The following CHD7 variants were observed in gnomAD, a reference collection of about 807,000 sequenced individuals.
CHD7 encodes ATP-dependent chromatin remodeler CHD7.
A neutral mutation model predicts 307.3 loss-of-function variants in CHD7; 24 were observed. The observed-to-expected ratio is 0.08, with a 90% CI of 0.06 to 0.11. The LOEUF (loss-of-function observed/expected upper bound fraction) is 0.11, where lower values mean the gene tolerates loss of function less well. CHD7 is among the 10% of genes least tolerant of loss of function. CHD7 has a pLI of 1.00. For synonymous variants in CHD7, 1,363 were observed against 1,349.9 expected, an observed-to-expected ratio of 1.01 and a Z score of -0.21; for missense variants, 3,106 against 3,727.1, an observed-to-expected ratio of 0.83 and a Z score of 4.34.
chr8:60,689,569 A>G (rs2150485681), intron 1 of CHD7, among the ~76,000 whole-genome samples: 1 of 152,372 alleles, frequency 6.6e-6, no homozygotes, highest in South Asian at 2.1e-4. Flanking sequence ...ATTGCTTTGG[A>G]TAGTCCCATC....
In CHD7 at chr8:60,742,686, T is replaced by C. The variant is rs935693858; in HGVS notation, c.1254T>C (p.Ala418=). The change falls in exon 2 of 38, where the codon GCT becomes GCC. Residue 418 remains alanine, a synonymous_variant. Coordinates refer to ENST00000423902, the MANE Select transcript of CHD7 (RefSeq NM_017780.4). ...TPPPQVRPGS[A]GIPMEVGSYP... is the part of the protein sequence containing the mutation. The stretch of plus-strand genomic sequence containing the variant: ...CTCCACAAGTCAGGCCGGGAAGTGC[T>C]GGGATACCAATGGAAGTTGGCAGTT... 2 of 1,611,808 alleles carry C rather than the reference T, an allele frequency of 1.2e-6. No homozygotes were observed. The highest frequency in any genetic ancestry group is 1.3e-5 in the African/African-American group (1 of 75,034).
Position 60,861,089 on chromosome 8 carries a change from C to T in CHD7, c.7794C>T (p.His2598=). The part of the protein sequence containing the change: ...NKDLVEWLKL[H]PTYTVDMPSY... ...ATTTAGTTGAATGGCTGAAGCTGCA[C>T]CCTACTTACACTGTTGATATGCCAA... The change falls in exon 35 of 38, where the codon CAC becomes CAT. Residue 2598 remains histidine (H), a synonymous_variant. Coordinates refer to ENST00000423902, the MANE Select transcript of CHD7 (RefSeq NM_017780.4). 1 of 1,607,204 alleles carries T rather than the reference C, an allele frequency of 6.2e-7. No homozygotes were observed.
At chr8:60,790,552 A>G (rs1811727144) in intron 3 of CHD7, among the ~76,000 whole-genome samples, 1 of 152,174 alleles carries the variant, frequency 6.6e-6, no homozygotes, top group African/African-American at 2.4e-5. Context: ...GGGGTTTCTT[A>G]TATGAGTTAA....
chr8:60,750,624 C>T (rs1362072078), intron 2 of CHD7, among the ~76,000 whole-genome samples: 1 of 152,184 alleles, frequency 6.6e-6, no homozygotes, highest in African/African-American at 2.4e-5. Flanking sequence ...CAAGACATTT[C>T]AACATGTAGT....
At chr8:60,730,543 C>G (rs1808393764) in intron 1 of CHD7, among the ~76,000 whole-genome samples, 1 of 152,152 alleles carries the variant, frequency 6.6e-6, no homozygotes, top group African/African-American at 2.4e-5. Flanking sequence ...GTTTCAGTTA[C>G]CTGCGGTCAA....
At position 60,767,035 on chromosome 8, in the gene CHD7, TAGG is replaced by T. The variant is rs563636405; in HGVS notation, c.1666-13959_1666-13957del. 6.6e-3 allele frequency among the ~76,000 whole-genome samples: 1,000 copies of T among 152,108 alleles called. 10 individuals are homozygous for T. The highest frequency in any genetic ancestry group is 8.8e-3 in the Non-Finnish European group (597 of 67,970). On this transcript the variant is annotated intron_variant, in intron 2 of 37. Transcript: ENST00000423902. ...CGAGAACCAGGAAGAGCCTGGAAGA[TAGG>T]AGGAGAGAGGGCTGTCCTGCATGTC...
chr8:60,775,390 A>T (rs963414184), intron 2 of CHD7, among the ~76,000 whole-genome samples: 11 of 152,382 alleles, frequency 7.2e-5, no homozygotes, highest in African/African-American at 2.6e-4. Context: ...AATTGAGAAT[A>T]AAATAAACTC....
At chr8:60,712,146 G>T (rs1034870323) in intron 1 of CHD7, among the ~76,000 whole-genome samples, 1 of 152,210 alleles carries the variant, frequency 6.6e-6, no homozygotes, top group African/African-American at 2.4e-5. Flanking sequence ...GCTGCAAATG[G>T]CAACTACAGT....
At chr8:60,700,900 G>A (rs1316245962) in intron 1 of CHD7, among the ~76,000 whole-genome samples, 1 of 152,240 alleles carries the variant, frequency 6.6e-6, no homozygotes, top group Non-Finnish European at 1.5e-5. Flanking sequence ...GGTTGTCACT[G>A]CCTCAGAGCA....
intron 13 of CHD7, among the ~76,000 whole-genome samples, chr8:60,827,652 A>G (rs1250255263): frequency 1.3e-5 from 2 of 152,100 alleles, no homozygotes; most frequent in Non-Finnish European, 2.9e-5. Context: ...AAGGGAAGAG[A>G]AGGAGGAATA....
intron 19 of CHD7, among the ~76,000 whole-genome samples, chr8:60,840,995 G>A (rs183313571): frequency 5.6e-4 from 85 of 152,276 alleles, no homozygotes; most frequent in Middle Eastern, 3.4e-3. Flanking sequence ...GGCTTCTTCT[G>A]CTGTGTTCTG....
intron 23 of CHD7, among the ~76,000 whole-genome samples, chr8:60,847,430 G>A (rs1805261338): frequency 6.6e-6 from 1 of 152,180 alleles, no homozygotes. Context: ...TTTGAAAACG[G>A]AAATTATAAC....
intron 1 of CHD7, among the ~76,000 whole-genome samples, chr8:60,691,907 A>G (rs1172434126): frequency 6.6e-6 from 1 of 152,160 alleles, no homozygotes; most frequent in African/African-American, 2.4e-5. Flanking sequence ...GGGAGTTAGA[A>G]TTAGACAGTC....
intron 1 of CHD7, among the ~76,000 whole-genome samples, chr8:60,709,297 T>C (rs1807167946): frequency 6.6e-6 from 1 of 152,182 alleles, no homozygotes; most frequent in South Asian, 2.1e-4. Flanking sequence ...GGGAATCTTG[T>C]GTATGCTTGA....
intron 1 of CHD7, among the ~76,000 whole-genome samples, chr8:60,697,040 A>G (rs997164825): frequency 3.9e-5 from 6 of 152,214 alleles, no homozygotes; most frequent in Non-Finnish European, 8.8e-5. Context: ...TATTAACTGC[A>G]CATTTAGCTC....
intron 1 of CHD7, among the ~76,000 whole-genome samples, chr8:60,705,813 A>C (rs1306208177): frequency 1.3e-5 from 2 of 152,254 alleles, no homozygotes; most frequent in Admixed American, 1.3e-4. Context: ...ATAGATTTTT[A>C]TATCAACTCC....
chr8:60,731,205 A>G (rs2150561790), intron 1 of CHD7, among the ~76,000 whole-genome samples: 1 of 87,260 alleles, frequency 1.1e-5, no homozygotes, highest in Admixed American at 1.4e-4. Context: ...TTAAATGAAA[A>G]GGTAAAAGCT....
intron 1 of CHD7, among the ~76,000 whole-genome samples, chr8:60,740,524 G>C (rs1808941250): frequency 6.6e-6 from 1 of 152,108 alleles, no homozygotes; most frequent in South Asian, 2.1e-4. Flanking sequence ...GAGTGAAATT[G>C]GTCGTCTTGG....
At chr8:60,703,771 A>G (rs1191771914) in intron 1 of CHD7, among the ~76,000 whole-genome samples, 1 of 152,354 alleles carries the variant, frequency 6.6e-6, no homozygotes, top group East Asian at 1.9e-4. Context: ...CTATTGAGCC[A>G]GCTACCAAGC....
Sources: gnomAD v4.1 joint callset for allele counts (sites outside exome capture counted in the v4.1 genomes callset) on GRCh38, gnomAD v4.1.1 for gene constraint, MANE v1.5 for transcripts, NCBI Gene and HGNC (gene_info 2026-07-23, HGNC 2026-07-21) for gene names.